MLPH: variants seen among roughly 807,000 people sequenced by gnomAD.
The protein encoded by MLPH is exophilin-3.
MLPH carries 51 observed loss-of-function variants against 72.1 expected under a neutral mutation model. The observed-to-expected ratio is 0.71, with a 90% CI of 0.56 to 0.89. The LOEUF (loss-of-function observed/expected upper bound fraction) is 0.89. Ranked by LOEUF, MLPH falls within the 40% of genes least tolerant of loss-of-function variation. MLPH has a pLI of 0.00. For synonymous variants in MLPH, 301 were observed against 310.1 expected, an observed-to-expected ratio of 0.97 and a Z score of 0.31; for missense variants, 743 against 759.9, an observed-to-expected ratio of 0.98 and a Z score of 0.26.
chr2:237,510,852 C>T lies in MLPH; in HGVS notation c.332+57C>T. 3 of 1,599,200 alleles carry T rather than the reference C, an allele frequency of 1.9e-6. No individual in the cohort carries two copies. The highest frequency in any genetic ancestry group is 2.2e-5 in the South Asian group (2 of 90,606). ...GATAGTTTCTGGATCTGGCGTGTCCCTTCCATGGGGCTAGCTGAAGAAGGG... is the reference window on the plus strand; with the variant it reads ...GATAGTTTCTGGATCTGGCGTGTCCTTTCCATGGGGCTAGCTGAAGAAGGG... On this transcript the variant is annotated intron_variant, in intron 3 of 15. Transcript: ENST00000264605. This position sits in a 1 kb window ranked among gnomAD's most constrained non-coding sequence, Gnocchi z 4.4.
chr2:237,514,694 GTA>G (rs913027929), intron 4 of MLPH, among the ~76,000 whole-genome samples: 20 of 152,334 alleles, frequency 1.3e-4, no homozygotes, highest in African/African-American at 4.8e-4. Flanking sequence ...CGCTGAGTGT[GTA>G]AAAATAGACC....
intron 14 of MLPH, among the ~76,000 whole-genome samples, chr2:237,550,567 T>C (rs1458668030): frequency 6.6e-6 from 1 of 152,104 alleles, no homozygotes; most frequent in Non-Finnish European, 1.5e-5. Flanking sequence ...TTTATTTTGT[T>C]GAGACAGGGT....
Position 237,511,196 on chromosome 2 carries a change from G to GTGTGTGTGCATGTGTGTGTGCACA in MLPH, c.445+108_445+131dup, listed in dbSNP as rs1280361410. ...GGAGTGTGCATGTGTGTGTGTACGT[G>GTGTGTGTGCATGTGTGTGTGCACA]TGTGTGTGCATGTGTGTGTGCACAT... On this transcript the variant is annotated intron_variant, in intron 4 of 15. Coordinates refer to ENST00000264605, the MANE Select transcript of MLPH (RefSeq NM_024101.7). The GTGTGTGTGCATGTGTGTGTGCACA allele has an allele frequency of 6.4e-6, 6 of 938,172 alleles. No homozygotes were observed. In the African/African-American group the frequency reaches 8.1e-5, roughly 13 times the overall value. The allele number at this position is 938,172 out of a possible 1,614,324, so 58.1% of individuals were successfully genotyped here.
chr2:237,545,804 GATCAACAAC>G, intron 12 of MLPH: 2 of 289,800 alleles, frequency 6.9e-6, no homozygotes, highest in East Asian at 3.3e-4. Context: ...CTAAATTTCA[GATCAACAAC>G]TAATAATCTA....
chr2:237,547,023 G>A (rs918734314), intron 13 of MLPH, among the ~76,000 whole-genome samples: 3 of 152,216 alleles, frequency 2.0e-5, no homozygotes, highest in Non-Finnish European at 4.4e-5. Context: ...TGGGGGCTCT[G>A]GAGACCACGC....
chr2:237,533,012 C>G (rs2080454380), intron 8 of MLPH, among the ~76,000 whole-genome samples: 1 of 152,202 alleles, frequency 6.6e-6, no homozygotes, highest in Non-Finnish European at 1.5e-5. Context: ...CATCACCAGT[C>G]CTTACCAATG....
At chr2:237,522,863 A>G (rs1018710770) in intron 6 of MLPH, among the ~76,000 whole-genome samples, 4 of 152,180 alleles carry the variant, frequency 2.6e-5, no homozygotes, top group African/African-American at 9.7e-5. Flanking sequence ...AATAAAGCCA[A>G]TATCACCGAT....
At chr2:237,493,376 A>T (rs1230391649) in intron 1 of MLPH, 27 bp from the exon 2 acceptor site, 1 of 1,459,130 alleles carries the variant, frequency 6.9e-7, no homozygotes, top group Non-Finnish European at 9.6e-7. Context: ...TCTGGGACTG[A>T]TGACTTGTGA....
At chr2:237,494,562 C>T (rs2079496986) in intron 2 of MLPH, among the ~76,000 whole-genome samples, 1 of 152,098 alleles carries the variant, frequency 6.6e-6, no homozygotes, top group African/African-American at 2.4e-5. Context: ...ATGCACTTTG[C>T]AGGCAGAGCC....
intron 2 of MLPH, among the ~76,000 whole-genome samples, chr2:237,494,130 A>T (rs2079485674): frequency 6.6e-6 from 1 of 152,074 alleles, no homozygotes; most frequent in African/African-American, 2.4e-5. Context: ...ATGGGAAGGA[A>T]GCATATGAGG....
At position 237,552,433 on chromosome 2, in the gene MLPH, T is replaced by C; in HGVS notation, c.1772T>C (p.Phe591Ser). Reference protein sequence around the residue: ...NARKGMASHTFAKPVVAHQS With the variant: ...NARKGMASHTSAKPVVAHQS Reference sequence around the variant, plus strand: ...AGGAAAGGAATGGCCAGCCACACCTTCGCGGTAAAGTTTTCTCTCATTCTC... The same window carrying C: ...AGGAAAGGAATGGCCAGCCACACCTCCGCGGTAAAGTTTTCTCTCATTCTC... Residue 591 changes from phenylalanine to serine, a missense_variant, in exon 15 of 16, where the codon TTC becomes TCC. Physicochemically the swap from Phe to Ser is radical, Grantham distance 155. Coordinates refer to ENST00000264605, the MANE Select transcript of MLPH (RefSeq NM_024101.7). 6.2e-7 allele frequency: 1 copy of C among 1,613,940 alleles called. No homozygotes were observed. Among genetic ancestry groups the C allele is most frequent in the Non-Finnish European group, 8.5e-7 (1 of 1,179,868 alleles).
intron 14 of MLPH, 107 bp downstream of exon 14, chr2:237,549,385 T>G: frequency 9.3e-7 from 1 of 1,077,944 alleles, no homozygotes. Context: ...GTGGGACATA[T>G]CTCATGTCCT....
At chr2:237,546,745 C>T in intron 13 of MLPH, 62 bp downstream of exon 13, 1 of 1,427,158 alleles carries the variant, frequency 7.0e-7, no homozygotes, top group South Asian at 1.1e-5. Context: ...CACCCCTTTC[C>T]AGCAGTGTGG....
rs771214670 is a variant in MLPH, at chr2:237,553,664, G to A, written c.*72G>A. The A allele has an allele frequency of 6.2e-6, 10 of 1,600,792 alleles. No individual in the cohort carries two copies. In the East Asian group the frequency reaches 2.2e-4, roughly 36 times the overall value. ...ACCACAGCCATCCTGTCCCTCATTG[G>A]CTCTGTGCTTTCCACTATACACAGT... On this transcript the variant is annotated 3_prime_UTR_variant, in exon 16 of 16. Transcript: ENST00000264605.
chr2:237,510,593 A>G lies in MLPH; in HGVS notation c.130A>G (p.Lys44Glu), dbSNP rs759047597. Residue 44 changes from lysine (K) to glutamate (E), a missense_variant, in exon 3 of 16, where the codon AAG (lysine) becomes GAG (glutamate). Coordinates refer to ENST00000264605, the MANE Select transcript of MLPH (RefSeq NM_024101.7). The surrounding 1 kb of genome is among the most constrained non-coding windows in gnomAD (Gnocchi z 4.4). Reference protein sequence around the residue: ...ERLEALKGKIKKESSKRELLS... With the variant: ...ERLEALKGKIEKESSKRELLS... ...CCCAAGGGCGTTGAAGGGCAAGATT[A>G]AGAAGGAAAGCTCCAAGAGGGAGCT... 2.5e-6 allele frequency: 4 copies of G among 1,613,284 alleles called. No homozygotes were observed. The African/African-American group carries it at 5.3e-5, about 22-fold the overall frequency.
chr2:237,550,275 C>T (rs557693700), intron 14 of MLPH, among the ~76,000 whole-genome samples: 1 of 152,326 alleles, frequency 6.6e-6, no homozygotes, highest in East Asian at 1.9e-4. Flanking sequence ...TTCCAGCCAG[C>T]TCACTCCTTG....
rs1215858798 is a variant in MLPH at position 237,544,450 on chromosome 2, T to TG, written c.1539+1797dup. 1.6e-4 allele frequency among the ~76,000 whole-genome samples: 5 copies of TG among 31,606 alleles called. No individual in the cohort carries two copies. The African/African-American group carries it at 1.7e-3, about 11-fold the overall frequency. The allele number at this position is 31,606 out of a possible 152,430, so 20.7% of individuals were successfully genotyped here. A position where few individuals can be genotyped will look rare whatever the true frequency, so the allele number is the denominator to read the frequency against. ...AGTGGTGAATGGGCACGGTAGTGAG[T>TG]GGGGGGACAGTAGTGAGTGGGGACA... On this transcript the variant is annotated intron_variant, in intron 12 of 15. Transcript: ENST00000264605.
At chr2:237,533,559 A>G (rs964232337) in intron 8 of MLPH, among the ~76,000 whole-genome samples, 1 of 151,974 alleles carries the variant, frequency 6.6e-6, no homozygotes, top group African/African-American at 2.4e-5. Context: ...ACCCCTGGCT[A>G]ATTTTTGTAT....
intron 10 of MLPH, 131 bp from the exon 11 acceptor site, chr2:237,540,671 C>A: frequency 2.0e-6 from 3 of 1,493,508 alleles, no homozygotes; most frequent in East Asian, 4.9e-5. Context: ...GGGTCTGCAG[C>A]GGGTGGCCGG....
Sources: gnomAD v4.1 joint callset for allele counts (sites outside exome capture counted in the v4.1 genomes callset) on GRCh38, gnomAD v4.1.1 for gene constraint, Gnocchi (gnomAD v3.1) non-coding constraint, MANE v1.5 for transcripts, NCBI Gene and HGNC (gene_info 2026-07-23, HGNC 2026-07-21) for gene names.